The following AKAP6 variants were observed in gnomAD, a reference collection of about 807,000 sequenced individuals.
The protein encoded by AKAP6 is A-kinase anchor protein 6.
In AKAP6, 58 loss-of-function variants were observed where a neutral mutation model predicts 188.5. That is an observed-to-expected ratio of 0.31 (90% CI 0.25 to 0.38). The LOEUF (loss-of-function observed/expected upper bound fraction) is 0.38, where lower values mean the gene tolerates loss of function less well. Among genes scored for constraint, AKAP6 ranks in the 10% least tolerant of loss-of-function variants. The pLI, the probability that AKAP6 is intolerant of heterozygous loss-of-function variation, is 1.00. For missense variants in AKAP6, 2,710 were observed against 2,740.0 expected, an observed-to-expected ratio of 0.99 and a Z score of 0.24; for synonymous variants, 989 against 998.6, an observed-to-expected ratio of 0.99 and a Z score of 0.18.
At position 32,830,208 on chromosome 14, in the gene AKAP6, C is replaced by A; in HGVS notation, c.*403C>A. On this transcript the variant is annotated 3_prime_UTR_variant, in exon 14 of 14. Coordinates refer to ENST00000280979, the MANE Select transcript of AKAP6 (RefSeq NM_004274.5). The stretch of plus-strand genomic sequence containing the variant: ...ATTAAATTCTCCTGTCTAGAATGAC[C>A]CCCCCACCAGTACTTGACCAATTTC... The A allele has an allele frequency of 2.2e-6, 1 of 446,792 alleles. No homozygotes were observed. Among genetic ancestry groups the A allele is most frequent in the Non-Finnish European group, 4.0e-6 (1 of 252,388 alleles). The allele number at this position is 446,792 out of a possible 1,614,324, so 27.7% of individuals were successfully genotyped here.
intron 12 of AKAP6, among the ~76,000 whole-genome samples, chr14:32,785,612 A>C (rs2140032564): frequency 6.6e-6 from 1 of 152,290 alleles, no homozygotes; most frequent in South Asian, 2.1e-4. Context: ...TGTGAAGCTT[A>C]GTTGGGGAAG....
chr14:32,692,997 ACT>A (rs1303960937), intron 8 of AKAP6, among the ~76,000 whole-genome samples: 1 of 152,048 alleles, frequency 6.6e-6, no homozygotes, highest in African/African-American at 2.4e-5. Context: ...TGGGATCAAT[ACT>A]CTGTTTTTCA....
chr14:32,552,129 TC>T (rs1883502360), intron 4 of AKAP6, among the ~76,000 whole-genome samples: 1 of 152,228 alleles, frequency 6.6e-6, no homozygotes, highest in Admixed American at 6.5e-5. Context: ...CAGTAATTGC[TC>T]GATAAAGACT....
chr14:32,529,690 A>G (rs984228746), intron 2 of AKAP6, among the ~76,000 whole-genome samples: 2 of 152,224 alleles, frequency 1.3e-5, no homozygotes, highest in African/African-American at 4.8e-5. Context: ...TTGGGGAAAT[A>G]AAAATATTTT....
chr14:32,677,749 T>C (rs1166383024), intron 7 of AKAP6, among the ~76,000 whole-genome samples: 1 of 152,228 alleles, frequency 6.6e-6, no homozygotes, highest in Non-Finnish European at 1.5e-5. Context: ...GATGTAACAA[T>C]TCAAACCTGC....
intron 2 of AKAP6, among the ~76,000 whole-genome samples, chr14:32,494,907 T>A (rs1195332892): frequency 6.6e-6 from 1 of 152,196 alleles, no homozygotes; most frequent in Non-Finnish European, 1.5e-5. Flanking sequence ...GAGGAAGCAC[T>A]GCACACAGAT....
chr14:32,571,184 T>C (rs1252697231), intron 4 of AKAP6, among the ~76,000 whole-genome samples: 1 of 151,960 alleles, frequency 6.6e-6, no homozygotes, highest in Non-Finnish European at 1.5e-5. Context: ...GAGAGCATAA[T>C]AGTTTAAAAG....
intron 1 of AKAP6, among the ~76,000 whole-genome samples, chr14:32,378,924 T>C (rs1446447382): frequency 6.6e-6 from 1 of 150,758 alleles, no homozygotes; most frequent in East Asian, 1.9e-4. Context: ...TTCCTTTTTT[T>C]TTTTTTTTTT....
Position 32,824,050 on chromosome 14 carries a change from C to A in AKAP6, c.6237C>A (p.Asn2079Lys), listed in dbSNP as rs765006220. 10 of 1,613,752 alleles carry A rather than the reference C, an allele frequency of 6.2e-6. No individual in the cohort carries two copies. In the Admixed American group the frequency reaches 6.7e-5, roughly 11 times the overall value. ...TAAAAAGTAAATCTCAACCTGAAAA[C>A]GAGGTGGCTGCTCCTACTTCATTAA... ...TALKSKSQPENEVAAPTSLTQ... is the reference protein window; with the variant it reads ...TALKSKSQPEKEVAAPTSLTQ... Residue 2079 changes from asparagine (N) to lysine (K), a missense_variant, in exon 13 of 14, where the codon AAC (asparagine) becomes AAA (lysine). Physicochemically the swap from Asn to Lys is moderately conservative, Grantham distance 94 (BLOSUM62 0). Coordinates refer to ENST00000280979, the MANE Select transcript of AKAP6 (RefSeq NM_004274.5).
intron 4 of AKAP6, among the ~76,000 whole-genome samples, chr14:32,564,208 G>T (rs1276660439): frequency 6.6e-6 from 1 of 152,162 alleles, no homozygotes; most frequent in African/African-American, 2.4e-5. Context: ...GTTTAGTACA[G>T]ATGTCACCAT....
chr14:32,509,898 C>T (rs777076328), intron 2 of AKAP6, among the ~76,000 whole-genome samples: 20 of 152,148 alleles, frequency 1.3e-4, no homozygotes, highest in Non-Finnish European at 1.2e-4. Context: ...TGTTACTTGA[C>T]GCTCCTTCAT....
chr14:32,353,369 G>A (rs1887358952), intron 1 of AKAP6, among the ~76,000 whole-genome samples: 1 of 108,908 alleles, frequency 9.2e-6, no homozygotes, highest in South Asian at 3.2e-4. Context: ...AAACCATCCT[G>A]GCTAACACGG....
intron 8 of AKAP6, among the ~76,000 whole-genome samples, chr14:32,678,694 G>A (rs1889544241): frequency 1.3e-5 from 2 of 152,094 alleles, no homozygotes; most frequent in Non-Finnish European, 1.5e-5. Flanking sequence ...AAAATACAGC[G>A]TTGTGATTTT....
intron 9 of AKAP6, among the ~76,000 whole-genome samples, chr14:32,709,174 C>A (rs1890937063): frequency 6.6e-6 from 1 of 152,032 alleles, no homozygotes; most frequent in Non-Finnish European, 1.5e-5. Context: ...TGTCAGAAGC[C>A]TTTTCTGTTT....
chr14:32,591,164 G>C (rs1885469615), intron 5 of AKAP6, among the ~76,000 whole-genome samples: 1 of 152,144 alleles, frequency 6.6e-6, no homozygotes, highest in African/African-American at 2.4e-5. Flanking sequence ...TTCCACCTCA[G>C]GGGGTAGAGA....
In AKAP6 at chr14:32,374,760, A is replaced by G. The variant is rs536253416; in HGVS notation, c.-35+45352A>G. Among the ~76,000 whole-genome samples, 17 of 152,324 alleles carry G rather than the reference A, an allele frequency of 1.1e-4. 1 individual carries two copies. The highest frequency in any genetic ancestry group is 3.6e-4 in the African/African-American group (15 of 41,572). ...AGATTGTACTATTAACATTTTGCTA[A>G]ACTTGTTTAATCACCTATCTATCCC... is the stretch of plus-strand genomic sequence containing the variant. On this transcript the variant is annotated intron_variant, in intron 1 of 13. Coordinates refer to ENST00000280979, the MANE Select transcript of AKAP6 (RefSeq NM_004274.5).
At chr14:32,800,247 C>CA (rs1445353891) in intron 12 of AKAP6, among the ~76,000 whole-genome samples, 1 of 145,696 alleles carries the variant, frequency 6.9e-6, no homozygotes, top group Non-Finnish European at 1.5e-5. Context: ...TATATATATA[C>CA]AAAAATTAGC....
At chr14:32,478,261 C>T (rs1879170157) in intron 2 of AKAP6, among the ~76,000 whole-genome samples, 1 of 152,152 alleles carries the variant, frequency 6.6e-6, no homozygotes, top group African/African-American at 2.4e-5. Flanking sequence ...TGCCCACAAG[C>T]CAAGTCCCTG....
chr14:32,710,946 T>C (rs1454043595), intron 9 of AKAP6, among the ~76,000 whole-genome samples: 1 of 152,050 alleles, frequency 6.6e-6, no homozygotes, highest in African/African-American at 2.4e-5. Flanking sequence ...CTATATCTGC[T>C]TTTACGCAAT....
Sources: gnomAD v4.1 joint callset for allele counts (sites outside exome capture counted in the v4.1 genomes callset) on GRCh38, gnomAD v4.1.1 for gene constraint, MANE v1.5 for transcripts, NCBI Gene and HGNC (gene_info 2026-07-23, HGNC 2026-07-21) for gene names.